TTC17: variants seen among roughly 807,000 people sequenced by gnomAD.
The protein encoded by TTC17 is tetratricopeptide repeat domain 17.
A neutral mutation model predicts 143.8 loss-of-function variants in TTC17; 58 were observed. The observed-to-expected ratio is 0.40, with a 90% CI of 0.33 to 0.50. The LOEUF (loss-of-function observed/expected upper bound fraction) is 0.50. Among genes scored for constraint, TTC17 ranks in the 20% least tolerant of loss-of-function variants. TTC17 has a pLI of 0.49. For synonymous variants in TTC17, 501 were observed against 497.8 expected (o/e 1.01, Z -0.09); for missense variants, 1,273 against 1,392.5 (o/e 0.91, Z 1.37).
At chr11:43,437,366 A>C (rs1052639416) in intron 16 of TTC17, among the ~76,000 whole-genome samples, 2 of 152,060 alleles carry the variant, frequency 1.3e-5, no homozygotes, top group African/African-American at 2.4e-5. Flanking sequence ...TTCTGCCTAC[A>C]CTATTGCAGT....
In TTC17 at chr11:43,405,880, T is replaced by C. The variant is rs1279083258; in HGVS notation, c.1690T>C (p.Ser564Pro). ...TGACTTCAGAAAAAGCCACACTCTG[T>C]CCTACTTAGTCAAAGAATTAGAGGT... ...ITDFRKSHTL[S>P]YLVKELEVRM... Residue 564 changes from serine to proline, a missense_variant, in exon 13 of 24, where the codon TCC (serine) becomes CCC (proline). Ser to Pro is a moderately conservative substitution (Grantham distance 74, BLOSUM62 -1). Around this residue, in one of 3 missense-constraint regions of TTC17, gnomAD observed 878 missense variants for 899.8 expected, o/e 0.98. Coordinates refer to ENST00000039989, the MANE Select transcript of TTC17 (RefSeq NM_018259.6). The C allele has an allele frequency of 1.9e-6, 3 of 1,613,922 alleles. No individual in the cohort carries two copies. The highest frequency in any genetic ancestry group is 2.5e-6 in the Non-Finnish European group (3 of 1,179,960).
At position 43,436,548 on chromosome 11, in the gene TTC17, ATTTG is replaced by A. The variant is rs535764219; in HGVS notation, c.2252-6773_2252-6770del. 7.9e-5 allele frequency among the ~76,000 whole-genome samples: 12 copies of A among 152,256 alleles called. No homozygotes were observed. The East Asian group carries it at 1.5e-3, about 20-fold the overall frequency. On this transcript the variant is annotated intron_variant, in intron 16 of 23. Coordinates refer to ENST00000039989, the MANE Select transcript of TTC17 (RefSeq NM_018259.6). ...GTCTTCTGTTGCTAGAACAAATCTGATTTGTTTATGTATCAGTCTTCTTAATGTT... is the reference window on the plus strand; with the variant it reads ...GTCTTCTGTTGCTAGAACAAATCTGATTTATGTATCAGTCTTCTTAATGTT...
At chr11:43,379,439 C>CA in intron 2 of TTC17, 117 bp downstream of exon 2, 4 of 775,104 alleles carry the variant, frequency 5.2e-6, no homozygotes, top group Non-Finnish European at 8.3e-6. Flanking sequence ...CTGACTTTTG[C>CA]GGGAATATAC....
intron 21 of TTC17, among the ~76,000 whole-genome samples, chr11:43,476,005 T>C (rs1948177912): frequency 6.6e-6 from 1 of 152,212 alleles, no homozygotes; most frequent in African/African-American, 2.4e-5. Flanking sequence ...ATGTGTTTTA[T>C]CAGTTTTAAA....
chr11:43,395,732 C>T (rs1857563123), intron 5 of TTC17, among the ~76,000 whole-genome samples: 1 of 152,158 alleles, frequency 6.6e-6, no homozygotes, highest in African/African-American at 2.4e-5. Flanking sequence ...CTACGTTTAA[C>T]TAAATTCAAA....
intron 21 of TTC17, among the ~76,000 whole-genome samples, chr11:43,470,196 G>A (rs941597122): frequency 3.3e-5 from 5 of 152,218 alleles, no homozygotes; most frequent in Admixed American, 6.5e-5. Context: ...CCTAGGACCA[G>A]TTAGACATTT....
chr11:43,374,685 T>C (rs906799650), intron 1 of TTC17, among the ~76,000 whole-genome samples: 1 of 149,150 alleles, frequency 6.7e-6, no homozygotes, highest in Non-Finnish European at 1.5e-5. Flanking sequence ...ACTAGAGAAG[T>C]GCAAATCAAA....
At chr11:43,402,509 A>C (rs1857910281) in intron 10 of TTC17, among the ~76,000 whole-genome samples, 1 of 152,160 alleles carries the variant, frequency 6.6e-6, no homozygotes, top group Non-Finnish European at 1.5e-5. Flanking sequence ...TAATGATACC[A>C]GATAGTATAT....
intron 15 of TTC17, among the ~76,000 whole-genome samples, chr11:43,413,163 T>C (rs1379143511): frequency 6.6e-6 from 1 of 152,174 alleles, no homozygotes; most frequent in Non-Finnish European, 1.5e-5. Flanking sequence ...ATAGGGAATT[T>C]AGAAGTAGAC....
intron 5 of TTC17, 47 bp from the exon 6 acceptor site, chr11:43,396,662 T>C (rs1195902810): frequency 7.6e-6 from 9 of 1,189,274 alleles, no homozygotes; most frequent in Non-Finnish European, 1.1e-5. Context: ...TATTCTAAGT[T>C]AAACTGTCTT....
chr11:43,403,010 A>G (rs1432718654), intron 10 of TTC17, among the ~76,000 whole-genome samples: 1 of 152,222 alleles, frequency 6.6e-6, no homozygotes, highest in Non-Finnish European at 1.5e-5. Context: ...GATAGGGACC[A>G]AAAGCTTCCT....
intron 15 of TTC17, among the ~76,000 whole-genome samples, chr11:43,411,478 C>T (rs1243012498): frequency 1.3e-5 from 2 of 150,658 alleles, no homozygotes; most frequent in African/African-American, 4.9e-5. Context: ...ATATTTTTCT[C>T]CGTCCCATTT....
At position 43,413,200 on chromosome 11, in the gene TTC17, G is replaced by A. The variant is rs1946697002; in HGVS notation, c.2065-1390G>A. ...ACCATGAATATGGCCACTGGTTTAT[G>A]ACAAAGGGGTACCTGTAGTTCAGTG... On this transcript the variant is annotated intron_variant, in intron 15 of 23. Transcript: ENST00000039989. 5.9e-5 allele frequency among the ~76,000 whole-genome samples: 9 copies of A among 152,294 alleles called. No homozygotes were observed. The South Asian group carries it at 1.9e-3, about 32-fold the overall frequency.
At chr11:43,395,970 A>T (rs1456111414) in intron 5 of TTC17, among the ~76,000 whole-genome samples, 2 of 152,136 alleles carry the variant, frequency 1.3e-5, no homozygotes, top group African/African-American at 4.8e-5. Flanking sequence ...TGTAATATAC[A>T]TTAATATGTA....
chr11:43,405,337 G>A (rs1858068317), intron 11 of TTC17, among the ~76,000 whole-genome samples, 177 bp from the exon 12 acceptor site: 1 of 152,070 alleles, frequency 6.6e-6, no homozygotes, highest in African/African-American at 2.4e-5. Context: ...GGTAAAGCAG[G>A]TAGAATTACT....
At chr11:43,477,244 T>G (rs1948201356) in intron 21 of TTC17, among the ~76,000 whole-genome samples, 1 of 152,164 alleles carries the variant, frequency 6.6e-6, no homozygotes, top group Admixed American at 6.5e-5. Flanking sequence ...ACTCCACAAG[T>G]CTCTAGGAAG....
rs1020012696 is a variant in TTC17, at chr11:43,451,075, G to A, written c.2947-107G>A. 7 of 1,038,634 alleles carry A rather than the reference G, an allele frequency of 6.7e-6. No individual in the cohort carries two copies. The African/African-American group carries it at 1.1e-4, about 16-fold the overall frequency. The allele number at this position is 1,038,634 out of a possible 1,614,324, so 64.3% of individuals were successfully genotyped here. A position where few individuals can be genotyped will look rare whatever the true frequency, so the allele number is the denominator to read the frequency against. On this transcript the variant is annotated intron_variant, in intron 20 of 23. Transcript: ENST00000039989. ...CAATAGGACCACAGCATGTATCCCA[G>A]AAAAACAGTTTGCCTCTGTGGTACA...
chr11:43,384,793 G>A (rs546181694), intron 2 of TTC17, among the ~76,000 whole-genome samples: 1 of 152,290 alleles, frequency 6.6e-6, no homozygotes, highest in South Asian at 2.1e-4. Flanking sequence ...ACCATGCATG[G>A]TAAGAGTATA....
chr11:43,394,253 G>A (rs150166319), intron 5 of TTC17, among the ~76,000 whole-genome samples: 1 of 152,238 alleles, frequency 6.6e-6, no homozygotes, highest in African/African-American at 2.4e-5. Flanking sequence ...GCCAGTGCCA[G>A]ATTATGTAAG....
Sources: allele counts gnomAD v4.1 joint callset (sites outside exome capture counted in the v4.1 genomes callset), GRCh38; gene constraint gnomAD v4.1.1; regional missense constraint gnomAD v4.1.1; transcripts MANE v1.5; gene names NCBI Gene and HGNC (gene_info 2026-07-23, HGNC 2026-07-21).